Variants in GPRIN3 observed in about 807,000 individuals in gnomAD.
GPRIN3 encodes the protein G protein-regulated inducer of neurite outgrowth 3.
Under a neutral mutation model 13.7 loss-of-function variants are expected in GPRIN3, and 12 were observed. The ratio of observed to expected loss-of-function variants is 0.87; its 90% CI spans 0.56 to 1.42. The LOEUF (loss-of-function observed/expected upper bound fraction) is 1.42. GPRIN3 is among the 40% of genes most tolerant of loss of function. The pLI is 0.00. For missense variants in GPRIN3, 1,009 were observed against 958.7 expected (o/e 1.05, Z -0.69); for synonymous variants, 377 against 372.7 (o/e 1.01, Z -0.13).
At chr4:89,287,654 A>T (rs1446301370) in intron 1 of GPRIN3, among the ~76,000 whole-genome samples, 1 of 152,214 alleles carries the variant, frequency 6.6e-6, no homozygotes, top group African/African-American at 2.4e-5. Flanking sequence ...AGTTCTAGAC[A>T]CAAGCCTATT....
At chr4:89,258,180 A>C (rs1167612327) in intron 1 of GPRIN3, among the ~76,000 whole-genome samples, 1 of 151,870 alleles carries the variant, frequency 6.6e-6, no homozygotes, top group Non-Finnish European at 1.5e-5. Flanking sequence ...TTTATGTGAC[A>C]TAGAAGCCTT....
rs35444036 is a variant in GPRIN3 at position 89,286,091 on chromosome 4, G to GTATA, written c.-124+21520_-124+21523dup. ...TACATGTGTACGTGTATGTGTGTGTGTATATATATATATATATATATATGT... is the reference window on the plus strand; with the variant it reads ...TACATGTGTACGTGTATGTGTGTGTGTATATATATATATATATATATATATATGT... On this transcript the variant is annotated intron_variant, in intron 1 of 1. Transcript: ENST00000609438. 5.2e-3 allele frequency among the ~76,000 whole-genome samples: 757 copies of GTATA among 146,712 alleles called. 7 individuals carry two copies. The highest frequency in any genetic ancestry group is 0.016 in the African/African-American group (638 of 39,752).
chr4:89,249,158 T>A lies in GPRIN3; in HGVS notation c.953A>T (p.Gln318Leu), dbSNP rs1296266262. The change falls in exon 2 of 2, where the codon CAA (glutamine) becomes CTA (leucine). Residue 318 changes from glutamine to leucine, a missense_variant. Physicochemically the swap from Gln to Leu is moderately radical, Grantham distance 113. Coordinates refer to ENST00000609438, the MANE Select transcript of GPRIN3 (RefSeq NM_198281.3). Reference sequence around the variant, plus strand: ...CGCCACTGCCTGCACCTCCGCATCTTGCCAAGCCCTGCTGGGAACTTCCTT... The same window carrying A: ...CGCCACTGCCTGCACCTCCGCATCTAGCCAAGCCCTGCTGGGAACTTCCTT... ...EIKEVPSRAW[Q>L]DAEVQAVASV... is the part of the protein sequence containing the mutation. The A allele has an allele frequency of 6.2e-7, 1 of 1,614,216 alleles. No homozygotes were observed. The highest frequency in any genetic ancestry group is 1.7e-5 in the Admixed American group (1 of 60,024).
intron 1 of GPRIN3, among the ~76,000 whole-genome samples, chr4:89,254,596 G>A (rs1306752804): frequency 6.6e-6 from 1 of 152,094 alleles, no homozygotes; most frequent in Non-Finnish European, 1.5e-5. Context: ...CATGGTGTAT[G>A]CGTATCACAT....
chr4:89,270,705 A>G (rs1393363417), intron 1 of GPRIN3, among the ~76,000 whole-genome samples: 1 of 150,440 alleles, frequency 6.6e-6, no homozygotes, highest in Non-Finnish European at 1.5e-5. Context: ...CACCTGGCTA[A>G]TTCTTTTCGT....
At chr4:89,256,144 T>C (rs1226756056) in intron 1 of GPRIN3, among the ~76,000 whole-genome samples, 2 of 152,138 alleles carry the variant, frequency 1.3e-5, no homozygotes, top group Non-Finnish European at 2.9e-5. Context: ...CCTGGACCCT[T>C]CCTATGCTGC....
chr4:89,258,793 C>T (rs1054257065), intron 1 of GPRIN3, among the ~76,000 whole-genome samples: 1 of 152,162 alleles, frequency 6.6e-6, no homozygotes, highest in Non-Finnish European at 1.5e-5. Context: ...AGGCGCCCTA[C>T]GTCGGGGTAG....
chr4:89,306,220 C>T (rs1266699460), intron 1 of GPRIN3, among the ~76,000 whole-genome samples: 1 of 152,174 alleles, frequency 6.6e-6, no homozygotes, highest in African/African-American at 2.4e-5. Context: ...GGCTGTGACT[C>T]ATGTACCTTT....
rs972899795 is a variant in GPRIN3 at position 89,239,148 on chromosome 4, C to T, written c.*8632G>A. Reference sequence around the variant, plus strand: ...GCCTTTGTAAACATTATAATGTAGACATTATAAAAAAACATAACTTTGGAT... The same window carrying T: ...GCCTTTGTAAACATTATAATGTAGATATTATAAAAAAACATAACTTTGGAT... On this transcript the variant is annotated 3_prime_UTR_variant, in exon 2 of 2. Coordinates refer to ENST00000609438, the MANE Select transcript of GPRIN3 (RefSeq NM_198281.3). The T allele has an allele frequency of 3.9e-5, 6 of 151,988 alleles. No individual in the cohort carries two copies. In the East Asian group the frequency reaches 7.7e-4, roughly 20 times the overall value. 9.4% of individuals were successfully genotyped at this position (151,988 alleles called of 1,614,324 possible). A position where few individuals can be genotyped will look rare whatever the true frequency, so the allele number is the denominator to read the frequency against.
rs536825472 is a variant in GPRIN3 at position 89,307,606 on chromosome 4, G to T, written c.-124+9C>A. ...CGCCAGGCGGAGGTGCGCAGGGGGC[G>T]TCTCCTACCTGCTCTGCCCGGCTCC... On this transcript the variant is annotated intron_variant, in intron 1 of 1. Transcript: ENST00000609438. 27 of 152,394 alleles carry T rather than the reference G, an allele frequency of 1.8e-4. No homozygotes were observed. Among genetic ancestry groups the T allele is most frequent in the African/African-American group, 6.3e-4 (26 of 41,566 alleles). 9.4% of individuals were successfully genotyped at this position (152,394 alleles called of 1,614,324 possible).
At chr4:89,304,793 A>G (rs1724991736) in intron 1 of GPRIN3, among the ~76,000 whole-genome samples, 1 of 152,186 alleles carries the variant, frequency 6.6e-6, no homozygotes, top group Admixed American at 6.5e-5. Flanking sequence ...TCTCATAAAA[A>G]TAAGAATCCT....
At chr4:89,270,564 T>TA (rs1723907370) in intron 1 of GPRIN3, among the ~76,000 whole-genome samples, 2 of 67,576 alleles carry the variant, frequency 3.0e-5, no homozygotes, top group Non-Finnish European at 2.5e-5. Context: ...ATGTATATAA[T>TA]TTATATATAT....
intron 1 of GPRIN3, among the ~76,000 whole-genome samples, chr4:89,283,894 A>G (rs914000510): frequency 6.6e-6 from 1 of 152,170 alleles, no homozygotes; most frequent in African/African-American, 2.4e-5. Context: ...TGACAAAGTA[A>G]AACTGCGGGG....
chr4:89,288,861 A>C (rs1483563647), intron 1 of GPRIN3, among the ~76,000 whole-genome samples: 1 of 152,146 alleles, frequency 6.6e-6, no homozygotes, highest in Admixed American at 6.5e-5. Context: ...GGCACTCAGC[A>C]CTGTCGCTTA....
chr4:89,271,586 A>G (rs1283473842), intron 1 of GPRIN3, among the ~76,000 whole-genome samples: 1 of 151,830 alleles, frequency 6.6e-6, no homozygotes, highest in African/African-American at 2.4e-5. Context: ...ATTTTTTATT[A>G]TTGTATTGCT....
intron 1 of GPRIN3, among the ~76,000 whole-genome samples, chr4:89,288,249 T>A (rs905016087): frequency 6.6e-6 from 1 of 152,220 alleles, no homozygotes; most frequent in Admixed American, 6.5e-5. Context: ...TTTTTGTTTT[T>A]TTCTTTGCAG....
chr4:89,277,942 T>C (rs1724138170), intron 1 of GPRIN3, among the ~76,000 whole-genome samples: 2 of 152,186 alleles, frequency 1.3e-5, no homozygotes, highest in East Asian at 1.9e-4. Context: ...CTCAGATCTA[T>C]ACCTTGTTGT....
intron 1 of GPRIN3, among the ~76,000 whole-genome samples, chr4:89,256,656 A>G (rs72872509): frequency 0.022 from 3,297 of 152,238 alleles, 102 homozygotes; most frequent in African/African-American, 0.075. Flanking sequence ...GCACTGCTAG[A>G]ACAAGGGCTC....
In GPRIN3 at chr4:89,248,606, C is replaced by A; in HGVS notation, c.1505G>T (p.Gly502Val). The change falls in exon 2 of 2, where the codon GGC (glycine) becomes GTC (valine). Residue 502 changes from glycine to valine, a missense_variant. Physicochemically the swap from Gly to Val is moderately radical, Grantham distance 109. Coordinates refer to ENST00000609438, the MANE Select transcript of GPRIN3 (RefSeq NM_198281.3). ...PSEFAEKTTN[G>V]HKTDPDCKLS... ...TTTGCAATCTGGGTCTGTTTTGTGG[C>A]CGTTTGTCGTTTTCTCTGCAAACTC... 1 of 1,613,992 alleles carries A rather than the reference C, an allele frequency of 6.2e-7. No homozygotes were observed. The highest frequency in any genetic ancestry group is 8.5e-7 in the Non-Finnish European group (1 of 1,179,878).
Sources: allele counts gnomAD v4.1 joint callset (sites outside exome capture counted in the v4.1 genomes callset), GRCh38; gene constraint gnomAD v4.1.1; transcripts MANE v1.5; gene names NCBI Gene and HGNC (gene_info 2026-07-23, HGNC 2026-07-21).